Variants in COMMD10 observed in about 807,000 individuals in gnomAD.
COMMD10 encodes the protein COMM domain containing 10, also known as COMM domain-containing protein 10.
In COMMD10, 33 loss-of-function variants were observed where a neutral mutation model predicts 28.9. The ratio of observed to expected loss-of-function variants is 1.14; its 90% CI spans 0.87 to 1.53. The LOEUF is 1.53. Among genes scored for constraint, COMMD10 ranks in the 40% most tolerant of loss-of-function variants. COMMD10 has a pLI of 0.00. For synonymous variants in COMMD10, 110 were observed against 81.7 expected, an observed-to-expected ratio of 1.35 and a Z score of -1.87; for missense variants, 310 against 233.4, an observed-to-expected ratio of 1.33 and a Z score of -2.14.
At chr5:116,285,743 C>T (rs1391071538) in intron 5 of COMMD10, among the ~76,000 whole-genome samples, 1 of 151,756 alleles carries the variant, frequency 6.6e-6, no homozygotes, top group East Asian at 1.9e-4. Flanking sequence ...GGTGTATAAA[C>T]CCTTTAATGT....
Position 116,280,982 on chromosome 5 carries a change from C to T in COMMD10, c.511-10535C>T, listed in dbSNP as rs1007819146. Reference sequence around the variant, plus strand: ...TTAAGTACCTACCAAAGTATTTTTACATTCAACTTGGACAAGAGTTTAGTA... The same window carrying T: ...TTAAGTACCTACCAAAGTATTTTTATATTCAACTTGGACAAGAGTTTAGTA... On this transcript the variant is annotated intron_variant, in intron 5 of 6. Transcript: ENST00000274458. 1.3e-5 allele frequency among the ~76,000 whole-genome samples: 2 copies of T among 151,854 alleles called. 1 individual carries two copies. Among genetic ancestry groups the T allele is most frequent in the African/African-American group, 4.9e-5 (2 of 41,200 alleles).
chr5:116,160,584 T>C (rs1362050011), intron 5 of COMMD10, among the ~76,000 whole-genome samples: 1 of 151,728 alleles, frequency 6.6e-6, no homozygotes, highest in African/African-American at 2.4e-5. Context: ...CTAAAGATTT[T>C]ATTTGAAGAA....
intron 5 of COMMD10, among the ~76,000 whole-genome samples, chr5:116,251,253 C>T (rs1750105846): frequency 6.8e-6 from 1 of 146,914 alleles, no homozygotes; most frequent in Admixed American, 7.0e-5. Context: ...AAAATTAAAG[C>T]AGACTCTTTT....
intron 4 of COMMD10, among the ~76,000 whole-genome samples, chr5:116,114,908 C>G (rs1421343769): frequency 6.6e-6 from 1 of 152,112 alleles, no homozygotes; most frequent in Non-Finnish European, 1.5e-5. Context: ...TTATTCTGCT[C>G]ACATCTTGGG....
chr5:116,234,151 A>G (rs1430320162), intron 5 of COMMD10, among the ~76,000 whole-genome samples: 1 of 152,142 alleles, frequency 6.6e-6, no homozygotes, highest in East Asian at 1.9e-4. Context: ...GACATCTGCT[A>G]TGGAAGTCAG....
intron 4 of COMMD10, among the ~76,000 whole-genome samples, chr5:116,103,315 A>G (rs1307659248): frequency 2.0e-5 from 3 of 152,174 alleles, no homozygotes; most frequent in Non-Finnish European, 2.9e-5. Context: ...ATTTCTCCAC[A>G]TCCTCTTCAG....
intron 5 of COMMD10, among the ~76,000 whole-genome samples, chr5:116,150,778 A>C (rs1395875514): frequency 1.7e-5 from 2 of 118,584 alleles, no homozygotes; most frequent in East Asian, 2.2e-4. Context: ...GGGGTTTTCT[A>C]GATATACAAT....
At chr5:116,272,550 C>T (rs927318732) in intron 5 of COMMD10, among the ~76,000 whole-genome samples, 6 of 151,798 alleles carry the variant, frequency 4.0e-5, no homozygotes, top group Non-Finnish European at 7.4e-5. Flanking sequence ...GTTGCCATAG[C>T]CTTTGCTCGT....
At chr5:116,193,423 C>T (rs1198941911) in intron 5 of COMMD10, among the ~76,000 whole-genome samples, 2 of 152,146 alleles carry the variant, frequency 1.3e-5, no homozygotes, top group Non-Finnish European at 2.9e-5. Context: ...CTTCAGGAGA[C>T]TCACCTAACA....
chr5:116,242,520 T>C (rs966332998), intron 5 of COMMD10, among the ~76,000 whole-genome samples: 28 of 152,268 alleles, frequency 1.8e-4, no homozygotes, highest in African/African-American at 6.3e-4. Context: ...GGGGTTTAGA[T>C]TGAGTTTTTT....
chr5:116,218,676 A>G (rs535267475), intron 5 of COMMD10, among the ~76,000 whole-genome samples: 2 of 152,270 alleles, frequency 1.3e-5, no homozygotes, highest in South Asian at 4.1e-4. Flanking sequence ...AAGTAGAACC[A>G]TATTCCCAAG....
intron 4 of COMMD10, among the ~76,000 whole-genome samples, chr5:116,133,657 A>G (rs188531475): frequency 1.6e-3 from 250 of 152,348 alleles, no homozygotes; most frequent in African/African-American, 5.7e-3. Context: ...GTGGGAAGTC[A>G]TTAAAGTGCT....
At position 116,202,828 on chromosome 5, in the gene COMMD10, C is replaced by T. The variant is rs189626509; in HGVS notation, c.510+68650C>T. ...TAGGTTGCGAAAATTTTCTCCCATT[C>T]TGTAGGTTTCCTGTTCACTCCGATG... On this transcript the variant is annotated intron_variant, in intron 5 of 6. Transcript: ENST00000274458. Among the ~76,000 whole-genome samples the T allele has an allele frequency of 7.5e-3, 1,137 of 151,952 alleles. 23 individuals are homozygous for T. The highest frequency in any genetic ancestry group is 0.027 in the African/African-American group (1,096 of 41,358).
intron 5 of COMMD10, among the ~76,000 whole-genome samples, chr5:116,204,108 G>A (rs1380081585): frequency 6.6e-6 from 1 of 151,970 alleles, no homozygotes; most frequent in Non-Finnish European, 1.5e-5. Context: ...TGATAAAACA[G>A]ACTTTAAACC....
intron 5 of COMMD10, among the ~76,000 whole-genome samples, chr5:116,235,017 C>T (rs1481246064): frequency 1.3e-5 from 2 of 152,150 alleles, no homozygotes; most frequent in East Asian, 3.8e-4. Context: ...TGAACTTCTT[C>T]AAATGTAAAG....
chr5:116,200,187 G>C (rs905933973), intron 5 of COMMD10, among the ~76,000 whole-genome samples: 22 of 151,982 alleles, frequency 1.4e-4, no homozygotes, highest in African/African-American at 5.3e-4. Flanking sequence ...GTCTCCTTGT[G>C]CCATCAAACA....
At chr5:116,114,480 G>C (rs756801369) in intron 4 of COMMD10, among the ~76,000 whole-genome samples, 1 of 152,088 alleles carries the variant, frequency 6.6e-6, no homozygotes. Flanking sequence ...AGTAATGGCA[G>C]GGTTTTTATG....
intron 4 of COMMD10, among the ~76,000 whole-genome samples, chr5:116,132,739 T>A (rs1489883551): frequency 6.6e-6 from 1 of 152,192 alleles, no homozygotes; most frequent in African/African-American, 2.4e-5. Flanking sequence ...TGCATGGGAC[T>A]TGATAATAGT....
At chr5:116,228,004 A>G (rs1426782327) in intron 5 of COMMD10, among the ~76,000 whole-genome samples, 1 of 152,064 alleles carries the variant, frequency 6.6e-6, no homozygotes, top group Non-Finnish European at 1.5e-5. Context: ...TAATGCACAT[A>G]CATTTCAATG....
Sources: allele counts gnomAD v4.1 joint callset (sites outside exome capture counted in the v4.1 genomes callset), GRCh38; gene constraint gnomAD v4.1.1; transcripts MANE v1.5; gene names NCBI Gene and HGNC (gene_info 2026-07-23, HGNC 2026-07-21).